Variants in RBFOX1 observed in about 807,000 individuals in gnomAD.
RBFOX1 encodes the protein RNA binding fox-1 homolog 1.
A neutral mutation model predicts 57.7 loss-of-function variants in RBFOX1; 8 were observed. The ratio of observed to expected loss-of-function variants is 0.14; its 90% CI spans 0.08 to 0.25. RBFOX1 has a LOEUF of 0.25. Among genes scored for constraint, RBFOX1 ranks in the 10% least tolerant of loss-of-function variants. RBFOX1 has a pLI of 1.00. For synonymous variants in RBFOX1, 326 were observed against 222.4 expected, an observed-to-expected ratio of 1.47 and a Z score of -4.15; for missense variants, 611 against 548.5, an observed-to-expected ratio of 1.11 and a Z score of -1.14.
chr16:7,108,593 G>T (rs1208407528), intron 4 of RBFOX1, among the ~76,000 whole-genome samples: 1 of 152,096 alleles, frequency 6.6e-6, no homozygotes, highest in Non-Finnish European at 1.5e-5. Context: ...TGGTTCAGTG[G>T]GATTTGTTAG....
chr16:6,886,118 G>C (rs1043250382), intron 3 of RBFOX1, among the ~76,000 whole-genome samples: 1 of 149,644 alleles, frequency 6.7e-6, no homozygotes, highest in African/African-American at 2.5e-5. Flanking sequence ...CTGGAGTGCA[G>C]TGACGTGATC....
intron 4 of RBFOX1, among the ~76,000 whole-genome samples, chr16:5,904,497 A>G (rs1468336484): frequency 6.6e-6 from 1 of 151,840 alleles, no homozygotes; most frequent in Non-Finnish European, 1.5e-5. Flanking sequence ...CAAGACAAGC[A>G]GAATGTGGGG....
At chr16:5,849,689 C>T (rs372012479) in intron 3 of RBFOX1, among the ~76,000 whole-genome samples, 7 of 152,250 alleles carry the variant, frequency 4.6e-5, no homozygotes, top group Middle Eastern at 3.4e-3. Flanking sequence ...TCCGAGGCAT[C>T]GGCAAGTATT....
chr16:7,111,982 GACAGATACAGTTTGGCCTAT>G, intron 4 of RBFOX1, among the ~76,000 whole-genome samples: 1 of 152,258 alleles, frequency 6.6e-6, no homozygotes, highest in Admixed American at 6.5e-5. Context: ...ACCCTTGAAG[GACAGATACAGTTTGGCCTAT>G]ACAGATTGTA....
intron 2 of RBFOX1, among the ~76,000 whole-genome samples, chr16:6,444,821 T>C (rs1219460430): frequency 3.9e-5 from 6 of 152,124 alleles, no homozygotes. Flanking sequence ...AATGCAGAGA[T>C]GACCTTCTGA....
intron 1 of RBFOX1, among the ~76,000 whole-genome samples, chr16:6,294,346 A>G (rs1384957278): frequency 1.3e-5 from 2 of 152,228 alleles, no homozygotes; most frequent in African/African-American, 4.8e-5. Context: ...TGGTCCCAGT[A>G]TGGTTAGATG....
intron 1 of RBFOX1, among the ~76,000 whole-genome samples, chr16:6,043,452 CAG>C (rs1352640580): frequency 2.6e-5 from 4 of 152,168 alleles, no homozygotes; most frequent in Non-Finnish European, 4.4e-5. Context: ...GATGCTATAT[CAG>C]AGTCAGGTTG....
chr16:5,411,102 A>T (rs2067010028), intron 1 of RBFOX1, among the ~76,000 whole-genome samples: 1 of 152,196 alleles, frequency 6.6e-6, no homozygotes, highest in Non-Finnish European at 1.5e-5. Flanking sequence ...AGTATTTTGC[A>T]TGTGGGATAG....
intron 2 of RBFOX1, among the ~76,000 whole-genome samples, chr16:6,388,659 G>C (rs1044200321): frequency 6.6e-6 from 1 of 152,136 alleles, no homozygotes; most frequent in African/African-American, 2.4e-5. Flanking sequence ...AGAATTGCTT[G>C]AACCTAGGAG....
intron 3 of RBFOX1, among the ~76,000 whole-genome samples, chr16:5,652,632 C>T (rs935502639): frequency 3.9e-5 from 6 of 152,168 alleles, no homozygotes; most frequent in South Asian, 4.1e-4. Context: ...CTCACCCACC[C>T]GGCTTCACAT....
chr16:5,895,246 A>G (rs935791654), intron 4 of RBFOX1, among the ~76,000 whole-genome samples: 2 of 152,190 alleles, frequency 1.3e-5, no homozygotes, highest in Admixed American at 6.5e-5. Context: ...TTCATGGGGG[A>G]TGATAAAATA....
chr16:5,718,685 T>C (rs922363090), intron 3 of RBFOX1, among the ~76,000 whole-genome samples: 4 of 152,150 alleles, frequency 2.6e-5, no homozygotes, highest in African/African-American at 9.7e-5. Context: ...GGCAGGTGGA[T>C]CACCTGAAGT....
chr16:7,339,982 C>G (rs1021681970), intron 4 of RBFOX1, among the ~76,000 whole-genome samples: 5 of 152,106 alleles, frequency 3.3e-5, no homozygotes, highest in Admixed American at 2.6e-4. Flanking sequence ...AAGCTTACAT[C>G]TCATCTCCTT....
chr16:5,919,465 C>T (rs1471898759), intron 4 of RBFOX1, among the ~76,000 whole-genome samples: 2 of 152,116 alleles, frequency 1.3e-5, no homozygotes, highest in Non-Finnish European at 2.9e-5. Context: ...GCCTCAGCCT[C>T]CCGAGTAGCT....
intron 3 of RBFOX1, among the ~76,000 whole-genome samples, chr16:5,775,477 T>G (rs1378975497): frequency 1.3e-5 from 2 of 152,244 alleles, no homozygotes; most frequent in Non-Finnish European, 2.9e-5. Flanking sequence ...AACACCTATG[T>G]GTTCAAAATG....
chr16:5,891,232 C>T (rs1276061220), intron 4 of RBFOX1, among the ~76,000 whole-genome samples: 1 of 152,160 alleles, frequency 6.6e-6, no homozygotes, highest in Non-Finnish European at 1.5e-5. Context: ...ACAGAGGTGT[C>T]CCTGATGTGA....
chr16:7,166,852 G>T (rs1289058926), intron 4 of RBFOX1, among the ~76,000 whole-genome samples: 1 of 151,998 alleles, frequency 6.6e-6, no homozygotes, highest in Non-Finnish European at 1.5e-5. Flanking sequence ...CTCGGGGGTG[G>T]TGCAGGATCC....
At chr16:5,345,409 G>C (rs546119924) in intron 1 of RBFOX1, among the ~76,000 whole-genome samples, 7 of 152,076 alleles carry the variant, frequency 4.6e-5, no homozygotes, top group Non-Finnish European at 8.8e-5. Flanking sequence ...TAAAGCCCTC[G>C]TGCATGCCCA....
intron 2 of RBFOX1, among the ~76,000 whole-genome samples, chr16:5,538,996 A>G (rs965209999): frequency 6.6e-5 from 10 of 152,184 alleles, no homozygotes; most frequent in African/African-American, 2.4e-4. Context: ...GCTCCCACAC[A>G]CAAGGATGGC....
Sources: gnomAD v4.1 joint callset for allele counts (sites outside exome capture counted in the v4.1 genomes callset) on GRCh38, gnomAD v4.1.1 for gene constraint, MANE v1.5 for transcripts, NCBI Gene and HGNC (gene_info 2026-07-23, HGNC 2026-07-21) for gene names.